The following DUSP5 variants were observed in gnomAD, a reference collection of about 807,000 sequenced individuals.
DUSP5 encodes dual specificity phosphatase 5.
In DUSP5, 22 loss-of-function variants were observed where a neutral mutation model predicts 33.6. The observed-to-expected ratio is 0.66, with a 90% CI of 0.47 to 0.94. DUSP5 has a LOEUF of 0.94. DUSP5 is among the 40% of genes least tolerant of loss of function. The probability of loss-of-function intolerance (pLI) is 0.00; values close to 1 mark genes in which losing one functional copy is unlikely to be tolerated. For synonymous variants in DUSP5, 270 were observed against 231.1 expected (o/e 1.17, Z -1.53); for missense variants, 551 against 522.1 (o/e 1.06, Z -0.54).
intron 3 of DUSP5, among the ~76,000 whole-genome samples, chr10:110,507,616 G>A (rs938956084): frequency 6.6e-6 from 1 of 152,176 alleles, no homozygotes; most frequent in African/African-American, 2.4e-5. Flanking sequence ...GAACGGCTTG[G>A]GGCAATTTGT....
chr10:110,507,772 G>T (rs1258387415), intron 3 of DUSP5, among the ~76,000 whole-genome samples: 1 of 152,214 alleles, frequency 6.6e-6, no homozygotes. Flanking sequence ...GAAAACCGAG[G>T]CCTTGGCCTC....
Position 110,510,056 on chromosome 10 carries a change from A to G in DUSP5, c.785A>G (p.His262Arg), listed in dbSNP as rs750516594. The part of the protein sequence containing the change: ...VREKGGKVLV[H>R]CEAGISRSPT... ...GAAAAGGGAGGCAAGGTCCTGGTCC[A>G]CTGTGAGGCTGGGATCTCCCGTTCA... Residue 262 changes from histidine to arginine, a missense_variant, in exon 4 of 4, where the codon CAC (histidine) becomes CGC (arginine). Physicochemically the swap from His to Arg is conservative, Grantham distance 29. Coordinates refer to ENST00000369583, the MANE Select transcript of DUSP5 (RefSeq NM_004419.4). The G allele has an allele frequency of 3.7e-6, 6 of 1,611,960 alleles. No homozygotes were observed. Among genetic ancestry groups the G allele is most frequent in the Middle Eastern group, 1.6e-4 (1 of 6,074 alleles).
intron 1 of DUSP5, among the ~76,000 whole-genome samples, chr10:110,499,208 G>A (rs901352383): frequency 1.3e-5 from 2 of 152,086 alleles, no homozygotes; most frequent in African/African-American, 4.8e-5. Flanking sequence ...GCGGGGGCAG[G>A]GTGGTATGGA....
intron 2 of DUSP5, among the ~76,000 whole-genome samples, chr10:110,504,655 C>T (rs1448108820): frequency 2.0e-5 from 3 of 152,198 alleles, no homozygotes; most frequent in Non-Finnish European, 4.4e-5. Flanking sequence ...CTGCTGTTTT[C>T]CTGGTTTCTA....
rs1860124928 is a variant in DUSP5 at position 110,506,881 on chromosome 10, CAAAT to C, written c.529-53_529-50del. ...AGGTCGGAGTTGTTTTTTCCTCTCT[CAAAT>C]GAACAAGCTAATCCAATATTTCCTG... On this transcript the variant is annotated intron_variant, in intron 2 of 3. Coordinates refer to ENST00000369583, the MANE Select transcript of DUSP5 (RefSeq NM_004419.4). The C allele has an allele frequency of 2.5e-6, 4 of 1,575,710 alleles. No individual in the cohort carries two copies. The East Asian group carries it at 9.0e-5, about 35-fold the overall frequency.
rs571384148 is a variant in DUSP5, at chr10:110,497,990, G to T, written c.-132G>T. 878 of 759,870 alleles carry T rather than the reference G, an allele frequency of 1.2e-3. 9 individuals are homozygous for T. In the African/African-American group the frequency reaches 0.016, roughly 13 times the overall value. The allele number at this position is 759,870 out of a possible 1,614,324, so 47.1% of individuals were successfully genotyped here. A position where few individuals can be genotyped will look rare whatever the true frequency, so the allele number is the denominator to read the frequency against. ...AGTTGCGCCGCCGCTCGGGCGCCGGGCTCCGTCGCGGCCGCAGCCCCGCGG... is the reference window on the plus strand; with the variant it reads ...AGTTGCGCCGCCGCTCGGGCGCCGGTCTCCGTCGCGGCCGCAGCCCCGCGG... On this transcript the variant is annotated 5_prime_UTR_variant, in exon 1 of 4. Coordinates refer to ENST00000369583, the MANE Select transcript of DUSP5 (RefSeq NM_004419.4).
At chr10:110,504,790 C>T (rs1860098494) in intron 2 of DUSP5, among the ~76,000 whole-genome samples, 2 of 152,220 alleles carry the variant, frequency 1.3e-5, no homozygotes, top group Admixed American at 1.3e-4. Flanking sequence ...TCTTCAATCT[C>T]TATGACAGTG....
Position 110,510,220 on chromosome 10 carries a change from A to C in DUSP5, c.949A>C (p.Ile317Leu). The change falls in exon 4 of 4, where the codon ATC (isoleucine) becomes CTC (leucine). Residue 317 changes from isoleucine (I) to leucine (L), a missense_variant. Ile to Leu is a conservative substitution (Grantham distance 5). Transcript: ENST00000369583. ...CCAGCTCCTGCAGTACGAATCTGAGATCCTGCCCTCCACGCCCAACCCCCA... is the reference window on the plus strand; with the variant it reads ...CCAGCTCCTGCAGTACGAATCTGAGCTCCTGCCCTCCACGCCCAACCCCCA... ...MGQLLQYESE[I>L]LPSTPNPQPP... is the part of the protein sequence containing the mutation. 6.2e-7 allele frequency: 1 copy of C among 1,614,184 alleles called. No homozygotes were observed. The highest frequency in any genetic ancestry group is 8.5e-7 in the Non-Finnish European group (1 of 1,180,020).
chr10:110,510,679 T>G lies in DUSP5; in HGVS notation c.*253T>G. ...CTACTGTACTTCCAGACCCCTGCCCTCTTGGGACTGCCCAGTCCTTGCACC... is the reference window on the plus strand; with the variant it reads ...CTACTGTACTTCCAGACCCCTGCCCGCTTGGGACTGCCCAGTCCTTGCACC... On this transcript the variant is annotated 3_prime_UTR_variant, in exon 4 of 4. Coordinates refer to ENST00000369583, the MANE Select transcript of DUSP5 (RefSeq NM_004419.4). 1 of 458,096 alleles carries G rather than the reference T, an allele frequency of 2.2e-6. No individual in the cohort carries two copies. Among genetic ancestry groups the G allele is most frequent in the East Asian group, 3.4e-5 (1 of 29,100 alleles). 28.4% of individuals were successfully genotyped at this position (458,096 alleles called of 1,614,324 possible). A position where few individuals can be genotyped will look rare whatever the true frequency, so the allele number is the denominator to read the frequency against.
chr10:110,499,309 G>A (rs1347698399), intron 1 of DUSP5, among the ~76,000 whole-genome samples: 1 of 152,184 alleles, frequency 6.6e-6, no homozygotes, highest in African/African-American at 2.4e-5. Flanking sequence ...GGCTTCTGGT[G>A]GTGGGTGGGT....
At chr10:110,503,424 A>G (rs934587282) in intron 2 of DUSP5, 3 of 152,304 alleles carry the variant, frequency 2.0e-5, no homozygotes, top group Admixed American at 6.5e-5. Flanking sequence ...TATGCTTACA[A>G]TTCCACAGAT....
chr10:110,500,489 G>A (rs926351835), intron 1 of DUSP5, among the ~76,000 whole-genome samples: 3 of 152,124 alleles, frequency 2.0e-5, no homozygotes, highest in Non-Finnish European at 2.9e-5. Flanking sequence ...ATTTCTTTAC[G>A]TAATTCATGT....
chr10:110,505,947 TGAA>T (rs1222422743), intron 2 of DUSP5, among the ~76,000 whole-genome samples: 5 of 152,190 alleles, frequency 3.3e-5, no homozygotes, highest in South Asian at 2.1e-4. Context: ...AACCCCCGTG[TGAA>T]GAAGGTCAGA....
At chr10:110,509,715 G>A (rs538030543) in intron 3 of DUSP5, among the ~76,000 whole-genome samples, 2 of 152,318 alleles carry the variant, frequency 1.3e-5, no homozygotes, top group African/African-American at 2.4e-5. Context: ...CAGGTCCATC[G>A]CCTCCAGAGG....
At position 110,498,346 on chromosome 10, in the gene DUSP5, C is replaced by A; in HGVS notation, c.225C>A (p.Leu75=). The change falls in exon 1 of 4, where the codon CTC becomes CTA. Residue 75 remains leucine, a synonymous_variant. Coordinates refer to ENST00000369583, the MANE Select transcript of DUSP5 (RefSeq NM_004419.4). The part of the protein sequence containing the change: ...VLPDEAARAR[L]LQEGGGGVAA... ...CCGACGAGGCGGCGCGCGCGCGGCT[C>A]CTGCAGGAGGGCGGCGGCGGCGTCG... 1.5e-6 allele frequency: 2 copies of A among 1,351,848 alleles called. No homozygotes were observed. The highest frequency in any genetic ancestry group is 6.1e-5 in the East Asian group (2 of 32,890). 83.7% of individuals were successfully genotyped at this position (1,351,848 alleles called of 1,614,324 possible). A position where few individuals can be genotyped will look rare whatever the true frequency, so the allele number is the denominator to read the frequency against.
At chr10:110,502,318 C>T (rs1385068201) in intron 1 of DUSP5, among the ~76,000 whole-genome samples, 1 of 152,210 alleles carries the variant, frequency 6.6e-6, no homozygotes, top group East Asian at 1.9e-4. Context: ...GAAGAAGCCA[C>T]TTCAGGAGCC....
chr10:110,502,085 G>A (rs1860058041), intron 1 of DUSP5, among the ~76,000 whole-genome samples: 1 of 152,122 alleles, frequency 6.6e-6, no homozygotes, highest in Non-Finnish European at 1.5e-5. Flanking sequence ...AAATTCAGAA[G>A]TCTTTATTCT....
At chr10:110,506,205 A>G in intron 2 of DUSP5, among the ~76,000 whole-genome samples, 1 of 152,092 alleles carries the variant, frequency 6.6e-6, no homozygotes. Flanking sequence ...TGAGGTAGGA[A>G]GATCGCTTGA....
intron 2 of DUSP5, among the ~76,000 whole-genome samples, chr10:110,504,978 G>T (rs945805315): frequency 1.3e-5 from 2 of 152,176 alleles, no homozygotes; most frequent in Non-Finnish European, 2.9e-5. Context: ...CAAGAGCTCC[G>T]CTGTCTGACG....
Sources: allele counts gnomAD v4.1 joint callset (sites outside exome capture counted in the v4.1 genomes callset), GRCh38; gene constraint gnomAD v4.1.1; transcripts MANE v1.5; gene names NCBI Gene and HGNC (gene_info 2026-07-23, HGNC 2026-07-21).